Variants in POLR1B observed in about 807,000 individuals in gnomAD.
The protein encoded by POLR1B is RNA polymerase I subunit B, also known as DNA-directed RNA polymerase I subunit RPA2.
Under a neutral mutation model 105.8 loss-of-function variants are expected in POLR1B, and 30 were observed. That is an observed-to-expected ratio of 0.28 (90% CI 0.21 to 0.38). The LOEUF is 0.38. Ranked by LOEUF, POLR1B falls within the 10% of genes least tolerant of loss-of-function variation. The pLI is 1.00. For missense variants in POLR1B, 976 were observed against 1,435.8 expected (o/e 0.68, Z 5.17); for synonymous variants, 485 against 505.1 (o/e 0.96, Z 0.53).
Position 112,573,677 on chromosome 2 carries a change from T to G in POLR1B, c.2387T>G (p.Ile796Ser), listed in dbSNP as rs1438907735. The G allele has an allele frequency of 6.2e-7, 1 of 1,614,058 alleles. No homozygotes were observed. The highest frequency in any genetic ancestry group is 8.5e-7 in the Non-Finnish European group (1 of 1,180,036). ...GGAGATAGTAGCCTGGTGTTTGGCATCAAACCTGGTGACCCACGCGTTCTG... is the reference window on the plus strand; with the variant it reads ...GGAGATAGTAGCCTGGTGTTTGGCAGCAAACCTGGTGACCCACGCGTTCTG... ...KQGDSSLVFGIKPGDPRVLQK... is the reference protein window; with the variant it reads ...KQGDSSLVFGSKPGDPRVLQK... Residue 796 changes from isoleucine to serine, a missense_variant, in exon 14 of 15, where the codon ATC becomes AGC. This residue lies in a region of POLR1B where 119 missense variants were observed against 149.7 expected (regional missense o/e 0.79). Coordinates refer to ENST00000263331, the MANE Select transcript of POLR1B (RefSeq NM_019014.6).
At chr2:112,542,262 C>A (rs984409677), upstream of POLR1B, 33 of 1,534,004 alleles carry the variant, frequency 2.2e-5, no homozygotes, top group East Asian at 4.4e-4. Context: ...AAAGGGAGGG[C>A]CCGCCACGCT....
intron 14 of POLR1B, among the ~76,000 whole-genome samples, 171 bp downstream of exon 14, chr2:112,573,986 C>A (rs774660283): frequency 2.0e-5 from 3 of 152,030 alleles, no homozygotes; most frequent in Non-Finnish European, 4.4e-5. Context: ...GCTGGGACTC[C>A]AGGCATGGAC....
intron 14 of POLR1B, among the ~76,000 whole-genome samples, chr2:112,574,111 C>G (rs1242562288): frequency 2.0e-5 from 3 of 152,150 alleles, no homozygotes; most frequent in African/African-American, 4.8e-5. Context: ...TCCCAAAGTG[C>G]TAGGATTACA....
At chr2:112,552,061 T>G in intron 6 of POLR1B, 63 bp downstream of exon 6, 1 of 1,381,524 alleles carries the variant, frequency 7.2e-7, no homozygotes, top group East Asian at 2.3e-5. Flanking sequence ...TTCTTTGTAT[T>G]GGTTGCAGTT....
At position 112,564,392 on chromosome 2, in the gene POLR1B, C is replaced by T; in HGVS notation, c.1639C>T (p.His547Tyr). Residue 547 changes from histidine to tyrosine, a missense_variant, in exon 10 of 15, where the codon CAC (histidine) becomes TAC (tyrosine). His to Tyr is a moderately conservative substitution (Grantham distance 83). Transcript: ENST00000263331. ...LGVTPIDGAP[H>Y]RSYSECYPVL... is the part of the protein sequence containing the mutation. Reference sequence around the variant, plus strand: ...GGTCACTCCCATTGATGGAGCTCCCCACCGATCATACAGTGAGTGCTACCC... The same window carrying T: ...GGTCACTCCCATTGATGGAGCTCCCTACCGATCATACAGTGAGTGCTACCC... 6.2e-7 allele frequency: 1 copy of T among 1,614,208 alleles called. No individual in the cohort carries two copies. Among genetic ancestry groups the T allele is most frequent in the East Asian group, 2.2e-5 (1 of 44,886 alleles).
chr2:112,574,214 G>A (rs1005749823), intron 14 of POLR1B, among the ~76,000 whole-genome samples: 1 of 152,088 alleles, frequency 6.6e-6, no homozygotes, highest in African/African-American at 2.4e-5. Flanking sequence ...TGTTAGCAAT[G>A]TTTCCTAGCC....
At position 112,559,277 on chromosome 2, in the gene POLR1B, CTT is replaced by C. The variant is rs750482664; in HGVS notation, c.1331-13_1331-12del. ...AAAAGATTGGCCCATTTTTGAATGA[CTT>C]TTGTTTTATTAAGGTCTTGGCCTCC... On this transcript the variant is annotated splice_polypyrimidine_tract_variant and intron_variant, in intron 8 of 14. Coordinates refer to ENST00000263331, the MANE Select transcript of POLR1B (RefSeq NM_019014.6). 1.9e-6 allele frequency: 3 copies of C among 1,609,696 alleles called. No homozygotes were observed. The highest frequency in any genetic ancestry group is 2.5e-6 in the Non-Finnish European group (3 of 1,176,978).
chr2:112,542,249 G>A, upstream of POLR1B: 3 of 1,535,136 alleles, frequency 2.0e-6, no homozygotes, highest in Non-Finnish European at 2.6e-6. Context: ...CGGAATATGG[G>A]AGAAAGGGAG....
intron 7 of POLR1B, among the ~76,000 whole-genome samples, chr2:112,556,925 A>C (rs1683692755): frequency 6.6e-6 from 1 of 152,206 alleles, no homozygotes; most frequent in Non-Finnish European, 1.5e-5. Flanking sequence ...CACATTCATC[A>C]CCTCAAACAT....
chr2:112,573,717 C>T lies in POLR1B; in HGVS notation c.2427C>T (p.Asp809=), dbSNP rs747625945. The change falls in exon 14 of 15, where the codon GAC becomes GAT. Residue 809 remains aspartate (D), a synonymous_variant. Transcript: ENST00000263331. ...GDPRVLQKLD[D]DGLPFIGAKL... ...CACGCGTTCTGCAGAAGTTAGATGA[C>T]GATGGATTGCCGTTTATAGGAGCAA... 16 of 1,614,094 alleles carry T rather than the reference C, an allele frequency of 9.9e-6. No homozygotes were observed. Among genetic ancestry groups the T allele is most frequent in the Admixed American group, 3.3e-5 (2 of 59,998 alleles).
chr2:112,547,235 C>T (rs1198276035), intron 2 of POLR1B, 56 bp downstream of exon 2: 48 of 1,586,120 alleles, frequency 3.0e-5, no homozygotes, highest in South Asian at 4.6e-5. Context: ...GGGAGTAGGG[C>T]GGGTGCCTAA....
intron 14 of POLR1B, 104 bp downstream of exon 14, chr2:112,573,919 T>C: frequency 1.5e-6 from 2 of 1,366,600 alleles, no homozygotes; most frequent in Non-Finnish European, 2.0e-6. Context: ...TGATCTCAGC[T>C]CACTACAACC....
In POLR1B at chr2:112,551,756, C is replaced by A; in HGVS notation, c.763-19C>A. The stretch of plus-strand genomic sequence containing the variant: ...TTTAGTTATTAGTGAGCAATTAAAC[C>A]TTTTATTTTCTATTCTAGGCACTTG... On this transcript the variant is annotated intron_variant, in intron 5 of 14. Transcript: ENST00000263331. The A allele has an allele frequency of 6.3e-7, 1 of 1,582,042 alleles. No homozygotes were observed.
Position 112,573,622 on chromosome 2 carries a change from T to A in POLR1B, c.2332T>A (p.Phe778Ile). Residue 778 changes from phenylalanine (F) to isoleucine (I), a missense_variant, in exon 14 of 15, where the codon TTC (phenylalanine) becomes ATC (isoleucine). By Grantham distance (21) the Phe-to-Ile change is conservative. Around this residue, in one of 12 missense-constraint regions of POLR1B, gnomAD observed 119 missense variants for 149.7 expected, o/e 0.79. Transcript: ENST00000263331. ...FAHGSVYKSE[F>I]IDLSEKIKQG... is the part of the protein sequence containing the mutation. ...CCATGGAAGTGTCTACAAGTCTGAG[T>A]TCATAGACCTCTCTGAAAAAATTAA... is the stretch of plus-strand genomic sequence containing the variant. 1 of 1,614,140 alleles carries A rather than the reference T, an allele frequency of 6.2e-7. No individual in the cohort carries two copies. Among genetic ancestry groups the A allele is most frequent in the East Asian group, 2.2e-5 (1 of 44,884 alleles).
chr2:112,572,645 C>T lies in POLR1B; in HGVS notation c.2158C>T (p.Pro720Ser). The change falls in exon 13 of 15, where the codon CCC becomes TCC. Residue 720 changes from proline to serine, a missense_variant. Coordinates refer to ENST00000263331, the MANE Select transcript of POLR1B (RefSeq NM_019014.6). ...KLYRLQTPQSPLVRPSMYDYY... is the reference protein window; with the variant it reads ...KLYRLQTPQSSLVRPSMYDYY... ...GTATCGTCTTCAGACTCCTCAGAGT[C>T]CCTTGGTGAGACCCTCCATGTATGA... 6.2e-7 allele frequency: 1 copy of T among 1,613,668 alleles called. No homozygotes were observed. Among genetic ancestry groups the T allele is most frequent in the Non-Finnish European group, 8.5e-7 (1 of 1,179,780 alleles).
At position 112,578,135 on chromosome 2, in the gene POLR1B, A is replaced by T. The variant is rs978306305; in HGVS notation, c.*2406A>T. 2.6e-5 allele frequency among the ~76,000 whole-genome samples: 4 copies of T among 152,200 alleles called. No individual in the cohort carries two copies. The highest frequency in any genetic ancestry group is 9.6e-5 in the African/African-American group (4 of 41,452). ...TTTAACTGTAGATTCACCACTAAGA[A>T]ATTGGCATTGGAACAGTCCACAGAG... On this transcript the variant is annotated 3_prime_UTR_variant, in exon 15 of 15. Coordinates refer to ENST00000263331, the MANE Select transcript of POLR1B (RefSeq NM_019014.6).
chr2:112,555,584 G>A (rs975132773), intron 7 of POLR1B, among the ~76,000 whole-genome samples: 1 of 152,108 alleles, frequency 6.6e-6, no homozygotes, highest in Non-Finnish European at 1.5e-5. Context: ...CCCAGGCGGC[G>A]GAGGATGCAG....
rs1683104019 is a variant in POLR1B, at chr2:112,547,195, AC to A, written c.345+17del. Reference sequence around the variant, plus strand: ...GAAGTTGACAGTGAGTACTAGTGATACTGTGTGACTCTCAACACTGCACATA... The same window carrying A: ...GAAGTTGACAGTGAGTACTAGTGATATGTGTGACTCTCAACACTGCACATA... On this transcript the variant is annotated intron_variant, in intron 2 of 14. Coordinates refer to ENST00000263331, the MANE Select transcript of POLR1B (RefSeq NM_019014.6). 1 of 1,613,580 alleles carries A rather than the reference AC, an allele frequency of 6.2e-7. No homozygotes were observed. The highest frequency in any genetic ancestry group is 8.5e-7 in the Non-Finnish European group (1 of 1,179,732).
At chr2:112,544,741 T>C (rs1313436193) in intron 1 of POLR1B, among the ~76,000 whole-genome samples, 3 of 152,210 alleles carry the variant, frequency 2.0e-5, no homozygotes, top group Non-Finnish European at 2.9e-5. Flanking sequence ...CTAATACTTA[T>C]AAAGCCAAGG....
Sources: allele counts gnomAD v4.1 joint callset (sites outside exome capture counted in the v4.1 genomes callset), GRCh38; gene constraint gnomAD v4.1.1; regional missense constraint gnomAD v4.1.1; transcripts MANE v1.5; gene names NCBI Gene and HGNC (gene_info 2026-07-23, HGNC 2026-07-21).